TXLNB: variants seen among roughly 807,000 people sequenced by gnomAD.
TXLNB encodes taxilin beta, also known as beta-taxilin.
In TXLNB, 37 loss-of-function variants were observed where a neutral mutation model predicts 57.4. The observed-to-expected ratio is 0.64, with a 90% CI of 0.50 to 0.85. The LOEUF is 0.85. Among genes scored for constraint, TXLNB ranks in the 40% least tolerant of loss-of-function variants. TXLNB has a pLI of 0.00. For missense variants in TXLNB, 848 were observed against 825.6 expected (o/e 1.03, Z -0.33); for synonymous variants, 302 against 309.6 (o/e 0.98, Z 0.26).
the TXLNB span, among the ~76,000 whole-genome samples, chr6:139,196,904 T>C: frequency 6.6e-6 from 1 of 152,220 alleles, no homozygotes; most frequent in Non-Finnish European, 1.5e-5. Context: ...TTTGTGAGTA[T>C]ATTGGGCCCA....
chr6:139,302,754 AGCT>A, the TXLNB span, among the ~76,000 whole-genome samples: 4,723 of 152,162 alleles, frequency 0.031, 117 homozygotes, highest in East Asian at 0.094. Context: ...ATTGCCCTCC[AGCT>A]TGGGCAACAA....
the TXLNB span, among the ~76,000 whole-genome samples, chr6:139,228,162 C>T: frequency 6.6e-6 from 1 of 152,202 alleles, no homozygotes; most frequent in Non-Finnish European, 1.5e-5. Context: ...CTCTGCTACT[C>T]ATTGCTGTTT....
rs1777244007 is a variant in TXLNB at position 139,288,919 on chromosome 6, G to A, written c.-14-6C>T. The A allele has an allele frequency of 6.2e-7, 1 of 1,601,486 alleles. No homozygotes were observed. The highest frequency in any genetic ancestry group is 8.5e-7 in the Non-Finnish European group (1 of 1,172,072). ...CTCCATCTTGGGAGTAGTATCTAGT[G>A]GTAAGCACAGTTAGGCTTTATGTAG... On this transcript the variant is annotated splice_region_variant and splice_polypyrimidine_tract_variant and intron_variant, in intron 1 of 9. Coordinates refer to ENST00000358430, the MANE Select transcript of TXLNB (RefSeq NM_153235.4).
upstream of TXLNB, among the ~76,000 whole-genome samples, chr6:139,296,644 C>A (rs535332728): frequency 1.3e-5 from 2 of 152,252 alleles, no homozygotes; most frequent in Non-Finnish European, 2.9e-5. Flanking sequence ...CAGTTCAGAG[C>A]CTTTCTGGTT....
downstream of TXLNB, among the ~76,000 whole-genome samples, chr6:139,237,171 C>T (rs1008848029): frequency 2.6e-5 from 4 of 152,026 alleles, no homozygotes; most frequent in Non-Finnish European, 4.4e-5. Context: ...TATATAATAG[C>T]TTATAGATTT....
the TXLNB span, among the ~76,000 whole-genome samples, chr6:139,223,836 A>C: frequency 6.6e-6 from 1 of 151,982 alleles, no homozygotes; most frequent in South Asian, 2.1e-4. Flanking sequence ...GAACACTTTT[A>C]CACTGTTGGT....
At chr6:139,268,682 C>T (rs1052905926) in intron 4 of TXLNB, among the ~76,000 whole-genome samples, 2 of 152,158 alleles carry the variant, frequency 1.3e-5, no homozygotes, top group African/African-American at 4.8e-5. Context: ...TTAACCTTCA[C>T]TGGGTTATCA....
chr6:139,236,319 C>G (rs1169132765), downstream of TXLNB, among the ~76,000 whole-genome samples: 2 of 152,178 alleles, frequency 1.3e-5, no homozygotes, highest in Non-Finnish European at 2.9e-5. Context: ...ACCCTAGATG[C>G]TGCTGTGGAG....
the TXLNB span, among the ~76,000 whole-genome samples, chr6:139,315,474 A>G: frequency 6.6e-6 from 1 of 152,172 alleles, no homozygotes; most frequent in Non-Finnish European, 1.5e-5. Context: ...AGAGTAAGTT[A>G]TGAGTAAAAT....
chr6:139,236,204 GAGAGTCTAAC>G (rs1189190515), downstream of TXLNB, among the ~76,000 whole-genome samples: 18 of 152,292 alleles, frequency 1.2e-4, no homozygotes, highest in South Asian at 3.7e-3. Flanking sequence ...TGATAAGTCA[GAGAGTCTAAC>G]TGAGCTGATT....
the TXLNB span, among the ~76,000 whole-genome samples, chr6:139,232,990 A>G: frequency 1.2e-4 from 18 of 152,222 alleles, no homozygotes; most frequent in African/African-American, 1.2e-4. Flanking sequence ...AACAACATGT[A>G]TGAATGCTGG....
the TXLNB span, among the ~76,000 whole-genome samples, chr6:139,202,053 T>A: frequency 6.6e-6 from 1 of 152,246 alleles, no homozygotes; most frequent in Non-Finnish European, 1.5e-5. Context: ...TTGATTGAAA[T>A]GATGCCATAT....
At chr6:139,252,016 C>G (rs1378164641) in intron 7 of TXLNB, among the ~76,000 whole-genome samples, 1 of 152,194 alleles carries the variant, frequency 6.6e-6, no homozygotes, top group Non-Finnish European at 1.5e-5. Context: ...TGTCTTCATC[C>G]TTGTTGATCC....
intron 4 of TXLNB, among the ~76,000 whole-genome samples, chr6:139,265,772 T>C (rs150785012): frequency 3.3e-5 from 5 of 152,254 alleles, no homozygotes. Flanking sequence ...TCCTATTCTT[T>C]ATAGCTTTTA....
the TXLNB span, among the ~76,000 whole-genome samples, chr6:139,213,963 C>A: frequency 6.6e-6 from 1 of 152,072 alleles, no homozygotes; most frequent in East Asian, 1.9e-4. Context: ...CAATAACAGG[C>A]TCTGAAATTG....
chr6:139,310,471 C>T, the TXLNB span, among the ~76,000 whole-genome samples: 1 of 152,224 alleles, frequency 6.6e-6, no homozygotes, highest in Non-Finnish European at 1.5e-5. Context: ...ATACAAATGT[C>T]TTCTTCCACA....
chr6:139,323,455 T>TGTATTTTTA, the TXLNB span, among the ~76,000 whole-genome samples: 34 of 148,726 alleles, frequency 2.3e-4, no homozygotes, highest in Admixed American at 1.6e-3. Context: ...GCTAATTTTT[T>TGTATTTTTA]GTATTTTTAG....
At chr6:139,211,982 A>G in the TXLNB span, among the ~76,000 whole-genome samples, 3 of 152,358 alleles carry the variant, frequency 2.0e-5, no homozygotes, top group South Asian at 6.2e-4. Context: ...GACTAGTGAA[A>G]AGACCAAATC....
At chr6:139,309,159 G>C in the TXLNB span, among the ~76,000 whole-genome samples, 4 of 152,322 alleles carry the variant, frequency 2.6e-5, no homozygotes, top group African/African-American at 7.2e-5. Flanking sequence ...AGTGGGTGGA[G>C]AGTTTCCAGC....
Sources: allele counts gnomAD v4.1 joint callset (sites outside exome capture counted in the v4.1 genomes callset), GRCh38; gene constraint gnomAD v4.1.1; transcripts MANE v1.5; gene names NCBI Gene and HGNC (gene_info 2026-07-23, HGNC 2026-07-21).